ABCC9: variants seen among roughly 807,000 people sequenced by gnomAD.
ABCC9 encodes the protein ATP-binding cassette sub-family C member 9.
A neutral mutation model predicts 188.3 loss-of-function variants in ABCC9; 95 were observed. That is an observed-to-expected ratio of 0.50 (90% CI 0.43 to 0.60). The LOEUF (loss-of-function observed/expected upper bound fraction) is 0.60. Ranked by LOEUF, ABCC9 falls within the 20% of genes least tolerant of loss-of-function variation. ABCC9 has a pLI of 0.00. For missense variants in ABCC9, 1,102 were observed against 1,876.3 expected (o/e 0.59, Z 7.62); for synonymous variants, 659 against 652.7 (o/e 1.01, Z -0.15).
At chr12:21,860,247 G>A (rs572554527) in intron 21 of ABCC9, among the ~76,000 whole-genome samples, 2 of 152,124 alleles carry the variant, frequency 1.3e-5, no homozygotes, top group Non-Finnish European at 2.9e-5. Context: ...CAGAACTTAA[G>A]TCCATTCTCA....
intron 36 of ABCC9, among the ~76,000 whole-genome samples, chr12:21,811,679 A>G (rs1942250630): frequency 6.6e-6 from 1 of 151,208 alleles, no homozygotes; most frequent in Non-Finnish European, 1.5e-5. Flanking sequence ...TAAGGGGTGG[A>G]GGGATAGATA....
intron 14 of ABCC9, among the ~76,000 whole-genome samples, chr12:21,891,318 G>A (rs530566699): frequency 2.0e-5 from 3 of 152,272 alleles, no homozygotes; most frequent in South Asian, 2.1e-4. Context: ...GAGAAGTGAG[G>A]CAAGCATTCT....
rs10611051 is a variant in ABCC9 at position 21,816,036 on chromosome 12, GTTTTTTTTTTTTTTTTTTTTTTTT to G, written c.3893-167_3893-144del. Reference sequence around the variant, plus strand: ...TAATACTGAACCAAACTATGTGGCAGTTTTTTTTTTTTTTTTTTTTTTTTTTTTTTTTTTTTTTTTTTTTAGTTT... The same window carrying G: ...TAATACTGAACCAAACTATGTGGCAGTTTTTTTTTTTTTTTTTTTTAGTTT... On this transcript the variant is annotated intron_variant, in intron 33 of 39. Transcript: ENST00000261200. 2.6e-3 allele frequency: 151 copies of G among 58,270 alleles called. 2 individuals carry two copies. The highest frequency in any genetic ancestry group is 0.024 in the Middle Eastern group (2 of 84). 3.6% of individuals were successfully genotyped at this position (58,270 alleles called of 1,614,324 possible).
intron 12 of ABCC9, among the ~76,000 whole-genome samples, chr12:21,905,519 A>G (rs1402590276): frequency 6.6e-6 from 1 of 152,138 alleles, no homozygotes; most frequent in African/African-American, 2.4e-5. Context: ...AGAATGCTAC[A>G]AATAGAACGA....
Position 21,910,779 on chromosome 12 carries a change from T to C in ABCC9, c.1164+47A>G, listed in dbSNP as rs763962967. On this transcript the variant is annotated intron_variant, in intron 9 of 39. Coordinates refer to ENST00000261200, the MANE Select transcript of ABCC9 (RefSeq NM_020297.4). ...TACCGCTATTCTTTTCACTGAATGGTATATAGCATTCTTAGGAAACAAATA... is the reference window on the plus strand; with the variant it reads ...TACCGCTATTCTTTTCACTGAATGGCATATAGCATTCTTAGGAAACAAATA... 7 of 1,534,792 alleles carry C rather than the reference T, an allele frequency of 4.6e-6. No homozygotes were observed. The Middle Eastern group carries it at 6.8e-4, about 150-fold the overall frequency.
chr12:21,838,208 T>A (rs757698002), intron 29 of ABCC9, 38 bp from the exon 30 acceptor site: 2 of 1,344,582 alleles, frequency 1.5e-6, no homozygotes, highest in South Asian at 2.3e-5. Flanking sequence ...TTCATGTGCA[T>A]CCAGACTCAA....
intron 22 of ABCC9, among the ~76,000 whole-genome samples, chr12:21,856,076 C>A (rs1246207905): frequency 6.6e-6 from 1 of 152,046 alleles, no homozygotes; most frequent in Non-Finnish European, 1.5e-5. Flanking sequence ...ATTAAGTGAG[C>A]TAATGTGTAT....
chr12:21,897,270 T>C (rs1261757846), intron 12 of ABCC9, among the ~76,000 whole-genome samples: 2 of 152,228 alleles, frequency 1.3e-5, no homozygotes, highest in Admixed American at 6.5e-5. Flanking sequence ...GAGGGTTTTT[T>C]TTCCTCATAA....
Position 21,800,996 on chromosome 12 carries a change from G to T in ABCC9, c.*48C>A, listed in dbSNP as rs370423028. 4 of 1,609,982 alleles carry T rather than the reference G, an allele frequency of 2.5e-6. No homozygotes were observed. Among genetic ancestry groups the T allele is most frequent in the Non-Finnish European group, 3.4e-6 (4 of 1,178,206 alleles). On this transcript the variant is annotated 3_prime_UTR_variant, in exon 40 of 40. Transcript: ENST00000261200. ...GTCAAGCTGATGATCCATTAATTAG[G>T]TTATGACTGCATTATTTTAAATACA...
intron 29 of ABCC9, among the ~76,000 whole-genome samples, chr12:21,839,548 C>CAACTTTTTTTTGTCATATAAAGATAT (rs1349483027): frequency 1.3e-5 from 2 of 152,190 alleles, no homozygotes; most frequent in Non-Finnish European, 2.9e-5. Context: ...AAGATATATT[C>CAACTTTTTTTTGTCATATAAAGATAT]ATGACAACTT....
chr12:21,841,347 CTTTTTTTT>C (rs1174314931), intron 29 of ABCC9, among the ~76,000 whole-genome samples: 259 of 19,532 alleles, frequency 0.013, 1 homozygote, highest in African/African-American at 0.067. Flanking sequence ...TTCTGGTTTC[CTTTTTTTT>C]TTTTTTTTTT....
At chr12:21,912,783 A>G (rs2137889832) in intron 8 of ABCC9, 89 bp downstream of exon 8, 2 of 1,342,634 alleles carry the variant, frequency 1.5e-6, no homozygotes, top group East Asian at 4.6e-5. Flanking sequence ...GCCTATTTGA[A>G]CAACTCATAA....
chr12:21,917,117 G>T lies in ABCC9; in HGVS notation c.407-14C>A, dbSNP rs201279882. The T allele has an allele frequency of 3.8e-3, 6,169 of 1,612,250 alleles. 13 individuals carry two copies. The highest frequency in any genetic ancestry group is 5.1e-3 in the South Asian group (462 of 90,998). ...ACAGGAACAGGGCTGAAAAGAAAAA[G>T]ACAAAAAGAGAAAGATGCAATCTTT... On this transcript the variant is annotated splice_polypyrimidine_tract_variant and intron_variant, in intron 5 of 39. Transcript: ENST00000261200.
intron 30 of ABCC9, among the ~76,000 whole-genome samples, chr12:21,829,292 C>A (rs886981342): frequency 1.4e-5 from 2 of 146,926 alleles, no homozygotes; most frequent in African/African-American, 5.0e-5. Context: ...AGCTCCGCCT[C>A]CCGGGCTCAC....
chr12:21,800,092 A>T lies in ABCC9; in HGVS notation c.*952T>A, dbSNP rs1941359874. ...TTGTTTTATATATATATAACTTCAAAGTGTAAGATATCTCCAGCCTGCCAG... is the reference window on the plus strand; with the variant it reads ...TTGTTTTATATATATATAACTTCAATGTGTAAGATATCTCCAGCCTGCCAG... On this transcript the variant is annotated 3_prime_UTR_variant, in exon 40 of 40. Transcript: ENST00000261200. 6.6e-6 allele frequency: 1 copy of T among 152,292 alleles called. No individual in the cohort carries two copies. The highest frequency in any genetic ancestry group is 1.9e-4 in the East Asian group (1 of 5,188). The allele number at this position is 152,292 out of a possible 1,614,324, so 9.4% of individuals were successfully genotyped here. A position where few individuals can be genotyped will look rare whatever the true frequency, so the allele number is the denominator to read the frequency against.
At position 21,814,645 on chromosome 12, in the gene ABCC9, A is replaced by G. The variant is rs376991991; in HGVS notation, c.4101T>C (p.Asp1367=). The G allele has an allele frequency of 3.1e-6, 5 of 1,613,784 alleles. No homozygotes were observed. Among genetic ancestry groups the G allele is most frequent in the Admixed American group, 1.7e-5 (1 of 59,954 alleles). ...TAAAAAATTTAGTTAGCAACTCACC[A>G]TCAAATATATCAACCATTCTGAAGA... The part of the protein sequence containing the change: ...LAFFRMVDIF[D]GKIVIDGIDI... The change falls in exon 35 of 40, where the codon GAT becomes GAC. Residue 1367 remains aspartate, a splice_region_variant and synonymous_variant. Coordinates refer to ENST00000261200, the MANE Select transcript of ABCC9 (RefSeq NM_020297.4).
chr12:21,827,543 CACACACACA>C (rs1943455001), intron 31 of ABCC9: 1 of 149,082 alleles, frequency 6.7e-6, no homozygotes, highest in African/African-American at 2.5e-5. Context: ...CACACACACA[CACACACACA>C]CACACACACA....
At chr12:21,909,015 A>C (rs1948187501) in intron 10 of ABCC9, among the ~76,000 whole-genome samples, 1 of 151,930 alleles carries the variant, frequency 6.6e-6, no homozygotes. Context: ...TATGCCAATG[A>C]TAATAGCTTA....
intron 37 of ABCC9, 84 bp downstream of exon 37, chr12:21,809,767 AT>A (rs1280850840): frequency 1.3e-6 from 1 of 797,002 alleles, no homozygotes; most frequent in East Asian, 2.5e-5. Flanking sequence ...CACTAAAGTT[AT>A]GTGATTATAG....
Sources: gnomAD v4.1 joint callset for allele counts (sites outside exome capture counted in the v4.1 genomes callset) on GRCh38, gnomAD v4.1.1 for gene constraint, MANE v1.5 for transcripts, NCBI Gene and HGNC (gene_info 2026-07-23, HGNC 2026-07-21) for gene names.